Variants in ACSL5 observed in about 807,000 individuals in gnomAD.
The protein encoded by ACSL5 is acyl-CoA synthetase long chain family member 5, also known as long-chain-fatty-acid--CoA ligase 5.
A neutral mutation model predicts 84.9 loss-of-function variants in ACSL5; 50 were observed. The ratio of observed to expected loss-of-function variants is 0.59; its 90% confidence interval spans 0.47 to 0.75. ACSL5 has a LOEUF of 0.75. ACSL5 is among the 30% of genes least tolerant of loss of function. The probability of loss-of-function intolerance (pLI) is 0.00; values close to 1 mark genes in which losing one functional copy is unlikely to be tolerated. For missense variants in ACSL5, 775 were observed against 830.4 expected, an observed-to-expected ratio of 0.93 and a Z score of 0.82; for synonymous variants, 280 against 300.7, an observed-to-expected ratio of 0.93 and a Z score of 0.71.
At chr10:112,376,364 G>A (rs149200937) in intron 1 of ACSL5, 2 of 1,614,136 alleles carry the variant, frequency 1.2e-6, no homozygotes, top group Non-Finnish European at 1.7e-6. Flanking sequence ...AGGGAAGAAG[G>A]ACAGGGACTC....
chr10:112,392,564 A>G (rs1843668001), intron 1 of ACSL5, among the ~76,000 whole-genome samples: 1 of 151,982 alleles, frequency 6.6e-6, no homozygotes, highest in African/African-American at 2.4e-5. Context: ...ACATAGTGAA[A>G]CCCCGTCTCT....
At chr10:112,413,760 A>C (rs1844243896) in intron 12 of ACSL5, among the ~76,000 whole-genome samples, 1 of 152,130 alleles carries the variant, frequency 6.6e-6, no homozygotes, top group Admixed American at 6.6e-5. Flanking sequence ...AAAATGAAAA[A>C]TAAATAAGTG....
At chr10:112,396,713 C>G (rs1405965729) in intron 2 of ACSL5, among the ~76,000 whole-genome samples, 1 of 152,058 alleles carries the variant, frequency 6.6e-6, no homozygotes, top group African/African-American at 2.4e-5. Context: ...CACACCCCTC[C>G]TTTCCTATTC....
chr10:112,381,720 G>A (rs1849354967), intron 1 of ACSL5, among the ~76,000 whole-genome samples: 2 of 150,586 alleles, frequency 1.3e-5, no homozygotes, highest in Admixed American at 1.3e-4. Flanking sequence ...TGTAATCCCA[G>A]CACTTTGGGA....
chr10:112,390,000 A>G (rs998922994), intron 1 of ACSL5, among the ~76,000 whole-genome samples: 1 of 152,164 alleles, frequency 6.6e-6, no homozygotes, highest in African/African-American at 2.4e-5. Flanking sequence ...AGGCTGAGGT[A>G]GGAAGATCAC....
chr10:112,422,547 C>T (rs902184687), intron 17 of ACSL5, 106 bp downstream of exon 17: 1 of 1,051,794 alleles, frequency 9.5e-7, no homozygotes. Flanking sequence ...TCAGCTGAGG[C>T]AGCTGGAGGG....
At chr10:112,399,504 G>A (rs530457310) in intron 3 of ACSL5, among the ~76,000 whole-genome samples, 2 of 152,282 alleles carry the variant, frequency 1.3e-5, no homozygotes, top group East Asian at 3.9e-4. Context: ...ACTGACCAAA[G>A]TTAGCACTTC....
At chr10:112,395,166 C>G in intron 2 of ACSL5, 64 bp downstream of exon 2, 2 of 1,496,044 alleles carry the variant, frequency 1.3e-6, no homozygotes, top group Non-Finnish European at 1.8e-6. Context: ...AACTCCAAAC[C>G]TAGGGATAGC....
Position 112,404,505 on chromosome 10 carries a change from T to TTA in ACSL5, c.266-5_266-4insAT. On this transcript the variant is annotated splice_region_variant and splice_polypyrimidine_tract_variant and intron_variant, in intron 3 of 20. Transcript: ENST00000354655. Reference sequence around the variant, plus strand: ...AGTTGATTTTCTTTTAATATTATGTTTTTAGACAATGGGCCCTGCTTGGGA... The same window carrying TTA: ...AGTTGATTTTCTTTTAATATTATGTTTATTTAGACAATGGGCCCTGCTTGGGA... 6.2e-7 allele frequency: 1 copy of TTA among 1,611,256 alleles called. No homozygotes were observed. Among genetic ancestry groups the TTA allele is most frequent in the Non-Finnish European group, 8.5e-7 (1 of 1,177,662 alleles).
intron 1 of ACSL5, chr10:112,376,377 G>C (rs778313797): frequency 1.2e-6 from 2 of 1,614,026 alleles, no homozygotes; most frequent in South Asian, 2.2e-5. Context: ...AGGGACTCGT[G>C]TGGCAGGAAG....
intron 1 of ACSL5, among the ~76,000 whole-genome samples, chr10:112,384,560 C>T (rs1340246453): frequency 7.2e-5 from 11 of 152,044 alleles, no homozygotes; most frequent in East Asian, 3.9e-4. Context: ...CTGGCTGGAG[C>T]GCAGTAGCAC....
In ACSL5 at chr10:112,409,582, C is replaced by A. The variant is rs766199560; in HGVS notation, c.608C>A (p.Thr203Asn). 1.9e-6 allele frequency: 3 copies of A among 1,613,978 alleles called. No homozygotes were observed. In the African/African-American group the frequency reaches 4.0e-5, roughly 22 times the overall value. The change falls in exon 7 of 21, where the codon ACC (threonine) becomes AAC (asparagine). Residue 203 changes from threonine to asparagine, a missense_variant. Thr to Asn is a moderately conservative substitution (Grantham distance 65). Transcript: ENST00000354655. ...ATAGGGAATGTAGAGAAAGGCTTCA[C>A]CCCGAGCCTGAAGGTGATCATCCTT... The part of the protein sequence containing the change: ...VLIGNVEKGF[T>N]PSLKVIILMD...
chr10:112,420,133 T>C (rs186782582), intron 14 of ACSL5: 2 of 152,380 alleles, frequency 1.3e-5, no homozygotes. Context: ...TTTTTAATAC[T>C]GTCCTTTCCT....
At chr10:112,426,899 A>C in intron 20 of ACSL5, 40 bp downstream of exon 20, 1 of 1,511,720 alleles carries the variant, frequency 6.6e-7, no homozygotes, top group Non-Finnish European at 9.2e-7. Flanking sequence ...CTCTTGTCAG[A>C]AAGTTTTGTT....
chr10:112,383,084 C>G (rs1336472347), intron 1 of ACSL5, among the ~76,000 whole-genome samples: 1 of 152,136 alleles, frequency 6.6e-6, no homozygotes, highest in African/African-American at 2.4e-5. Context: ...GGCTGGGCAA[C>G]TTAGGGAGAC....
chr10:112,377,544 C>A (rs1011947306), intron 1 of ACSL5, among the ~76,000 whole-genome samples: 1 of 152,056 alleles, frequency 6.6e-6, no homozygotes, highest in African/African-American at 2.4e-5. Context: ...AAAAACAACA[C>A]ACAAACAAAC....
At chr10:112,379,129 G>A (rs1589667848) in intron 1 of ACSL5, among the ~76,000 whole-genome samples, 1 of 152,096 alleles carries the variant, frequency 6.6e-6, no homozygotes, top group African/African-American at 2.4e-5. Flanking sequence ...TGTTGGCCGG[G>A]CGCAGTGGCT....
At chr10:112,390,658 AGAT>A (rs943454474) in intron 1 of ACSL5, among the ~76,000 whole-genome samples, 1 of 22,766 alleles carries the variant, frequency 4.4e-5, no homozygotes, top group African/African-American at 1.9e-4. Context: ...ATAGATAAAT[AGAT>A]AGATAGATAG....
intron 17 of ACSL5, among the ~76,000 whole-genome samples, chr10:112,423,394 G>A (rs1219706738): frequency 2.7e-5 from 4 of 149,826 alleles, no homozygotes; most frequent in Non-Finnish European, 5.9e-5. Context: ...ATGGGGTCTC[G>A]CTGAGTTGAC....
Sources: gnomAD v4.1 joint callset for allele counts (sites outside exome capture counted in the v4.1 genomes callset) on GRCh38, gnomAD v4.1.1 for gene constraint, MANE v1.5 for transcripts, NCBI Gene and HGNC (gene_info 2026-07-23, HGNC 2026-07-21) for gene names.